Variants in CCNT2 observed in about 807,000 individuals in gnomAD.
CCNT2 encodes the protein cyclin-T2.
CCNT2 carries 18 observed loss-of-function variants against 70.0 expected under a neutral mutation model. The ratio of observed to expected loss-of-function variants is 0.26; its 90% CI spans 0.18 to 0.38. The LOEUF (loss-of-function observed/expected upper bound fraction) is 0.38, where lower values mean the gene tolerates loss of function less well. Ranked by LOEUF, CCNT2 falls within the 10% of genes least tolerant of loss-of-function variation. CCNT2 has a pLI of 1.00. For missense variants in CCNT2, 734 were observed against 890.2 expected (o/e 0.82, Z 2.23); for synonymous variants, 334 against 313.3 (o/e 1.07, Z -0.70).
In CCNT2 at chr2:134,943,984, C is replaced by G. The variant is rs184079700; in HGVS notation, c.493+1310C>G. Reference sequence around the variant, plus strand: ...ATTCTAAATTGAATTCATTTTATACCTAGTGATTTATTATGTTAGTGGCTA... The same window carrying G: ...ATTCTAAATTGAATTCATTTTATACGTAGTGATTTATTATGTTAGTGGCTA... On this transcript the variant is annotated intron_variant, in intron 5 of 8. Transcript: ENST00000264157. The G allele has an allele frequency of 3.0e-4, 289 of 965,848 alleles. No individual in the cohort carries two copies. The African/African-American group carries it at 4.9e-3, about 16-fold the overall frequency. 59.8% of individuals were successfully genotyped at this position (965,848 alleles called of 1,614,324 possible). A position where few individuals can be genotyped will look rare whatever the true frequency, so the allele number is the denominator to read the frequency against.
Position 134,919,009 on chromosome 2 carries a change from A to G in CCNT2, c.155A>G (p.Asn52Ser). ...NLIQEMGQRL[N>S]VSQLTINTAI... The stretch of plus-strand genomic sequence containing the variant: ...ATCCAGGAGATGGGACAGCGTCTCA[A>G]TGTGTATCCTTTTCTGTTCGCCGCC... Residue 52 changes from asparagine (N) to serine (S), a missense_variant, in exon 1 of 9, where the codon AAT (asparagine) becomes AGT (serine). Coordinates refer to ENST00000264157, the MANE Select transcript of CCNT2 (RefSeq NM_058241.3). 2 of 1,607,400 alleles carry G rather than the reference A, an allele frequency of 1.2e-6. No individual in the cohort carries two copies. The highest frequency in any genetic ancestry group is 1.1e-5 in the South Asian group (1 of 90,884).
At chr2:134,953,178 G>A (rs1682657375) in intron 8 of CCNT2, 52 bp from the exon 9 acceptor site, 3 of 1,266,330 alleles carry the variant, frequency 2.4e-6, no homozygotes, top group Admixed American at 2.2e-5. Flanking sequence ...CAAGAAATTT[G>A]CATTAAATTA....
rs568036671 is a variant in CCNT2, at chr2:134,924,751, A to G, written c.240+4860A>G. 3.9e-5 allele frequency among the ~76,000 whole-genome samples: 6 copies of G among 152,210 alleles called. No homozygotes were observed. In the South Asian group the frequency reaches 6.2e-4, roughly 16 times the overall value. ...GGCGTTAGCCACCTCGCCCGGCCCCAGTATTCTTACTCTAATCACTTTCTT... is the reference window on the plus strand; with the variant it reads ...GGCGTTAGCCACCTCGCCCGGCCCCGGTATTCTTACTCTAATCACTTTCTT... On this transcript the variant is annotated intron_variant, in intron 2 of 8. Transcript: ENST00000264157.
rs562056094 is a variant in CCNT2, at chr2:134,956,266, A to C, written c.*1618A>C. Reference sequence around the variant, plus strand: ...TTAATCTCATGCTCTACCTTTATTTAGCAATTACCTAATTTGCCAGTAGCT... The same window carrying C: ...TTAATCTCATGCTCTACCTTTATTTCGCAATTACCTAATTTGCCAGTAGCT... On this transcript the variant is annotated 3_prime_UTR_variant, in exon 9 of 9. Coordinates refer to ENST00000264157, the MANE Select transcript of CCNT2 (RefSeq NM_058241.3). 1 of 152,762 alleles carries C rather than the reference A, an allele frequency of 6.5e-6. No individual in the cohort carries two copies. Among genetic ancestry groups the C allele is most frequent in the South Asian group, 2.1e-4 (1 of 4,830 alleles). The allele number at this position is 152,762 out of a possible 1,614,324, so 9.5% of individuals were successfully genotyped here. A position where few individuals can be genotyped will look rare whatever the true frequency, so the allele number is the denominator to read the frequency against.
chr2:134,937,962 C>A (rs1681286741), intron 3 of CCNT2, among the ~76,000 whole-genome samples: 1 of 152,066 alleles, frequency 6.6e-6, no homozygotes, highest in South Asian at 2.1e-4. Context: ...TAATCAGGAA[C>A]CTTTACCCAT....
rs2105102987 is a variant in CCNT2, at chr2:134,958,239, C to A, written c.*3591C>A. ...GGAAAACCATTCTCTCAAGGTATTACACCATTTCCAATTTTATCCAAATGA... is the reference window on the plus strand; with the variant it reads ...GGAAAACCATTCTCTCAAGGTATTAAACCATTTCCAATTTTATCCAAATGA... On this transcript the variant is annotated 3_prime_UTR_variant, in exon 9 of 9. Coordinates refer to ENST00000264157, the MANE Select transcript of CCNT2 (RefSeq NM_058241.3). The A allele has an allele frequency of 6.6e-6, 1 of 152,338 alleles. No individual in the cohort carries two copies. The highest frequency in any genetic ancestry group is 2.4e-5 in the African/African-American group (1 of 41,582). 9.4% of individuals were successfully genotyped at this position (152,338 alleles called of 1,614,324 possible).
At chr2:134,936,997 T>C in intron 3 of CCNT2, 28 bp downstream of exon 3, 5 of 1,556,300 alleles carry the variant, frequency 3.2e-6, no homozygotes, top group Non-Finnish European at 4.4e-6. Context: ...TTTTTATTTT[T>C]CTTTGTAAAT....
At chr2:134,924,425 C>G (rs1051527999) in intron 2 of CCNT2, among the ~76,000 whole-genome samples, 2 of 152,092 alleles carry the variant, frequency 1.3e-5, no homozygotes, top group African/African-American at 4.8e-5. Flanking sequence ...CAGTGTCGAT[C>G]CCCTCCCTCC....
At position 134,958,488 on chromosome 2, in the gene CCNT2, C is replaced by T. The variant is rs1405892151; in HGVS notation, c.*3840C>T. On this transcript the variant is annotated 3_prime_UTR_variant, in exon 9 of 9. Coordinates refer to ENST00000264157, the MANE Select transcript of CCNT2 (RefSeq NM_058241.3). ...GACAATAGGTGCTAATCTCATGTGCCCTAAGATGGACTTATTTAGATAGGG... is the reference window on the plus strand; with the variant it reads ...GACAATAGGTGCTAATCTCATGTGCTCTAAGATGGACTTATTTAGATAGGG... 2.0e-5 allele frequency: 3 copies of T among 152,134 alleles called. No homozygotes were observed. The highest frequency in any genetic ancestry group is 2.9e-5 in the Non-Finnish European group (2 of 68,018). The allele number at this position is 152,134 out of a possible 1,614,324, so 9.4% of individuals were successfully genotyped here. A position where few individuals can be genotyped will look rare whatever the true frequency, so the allele number is the denominator to read the frequency against.
intron 5 of CCNT2, chr2:134,943,427 G>T (rs191792187): frequency 6.1e-6 from 6 of 984,848 alleles, no homozygotes; most frequent in Non-Finnish European, 7.2e-6. Flanking sequence ...TTTTGTGGGG[G>T]GAGTGTTTTG....
chr2:134,929,529 G>A (rs1156835861), intron 2 of CCNT2, among the ~76,000 whole-genome samples: 2 of 150,878 alleles, frequency 1.3e-5, no homozygotes, highest in Non-Finnish European at 3.0e-5. Flanking sequence ...AATCGCTTGA[G>A]CCCAGGAGGT....
At chr2:134,927,914 G>C (rs1323484231) in intron 2 of CCNT2, among the ~76,000 whole-genome samples, 3 of 152,082 alleles carry the variant, frequency 2.0e-5, no homozygotes, top group African/African-American at 7.2e-5. Context: ...TCTTTATATG[G>C]CTATACATAA....
intron 5 of CCNT2, 27 bp from the exon 6 acceptor site, chr2:134,946,074 G>C: frequency 6.2e-7 from 1 of 1,600,802 alleles, no homozygotes; most frequent in Non-Finnish European, 8.5e-7. Flanking sequence ...TGATAGTATT[G>C]TCTTCGTTTT....
Position 134,958,104 on chromosome 2 carries a change from T to C in CCNT2, c.*3456T>C, listed in dbSNP as rs1366144179. ...GCAACCTTAGAAATAAACCACTGCT[T>C]ATATCTGCATGAATATTATGCATTT... On this transcript the variant is annotated 3_prime_UTR_variant, in exon 9 of 9. Coordinates refer to ENST00000264157, the MANE Select transcript of CCNT2 (RefSeq NM_058241.3). The C allele has an allele frequency of 6.6e-6, 1 of 152,246 alleles. No individual in the cohort carries two copies. The highest frequency in any genetic ancestry group is 1.5e-5 in the Non-Finnish European group (1 of 68,038). The allele number at this position is 152,246 out of a possible 1,614,324, so 9.4% of individuals were successfully genotyped here. A position where few individuals can be genotyped will look rare whatever the true frequency, so the allele number is the denominator to read the frequency against.
intron 2 of CCNT2, among the ~76,000 whole-genome samples, chr2:134,924,683 C>G (rs914469417): frequency 6.6e-6 from 1 of 152,088 alleles, no homozygotes; most frequent in African/African-American, 2.4e-5. Flanking sequence ...CTCCTGACCT[C>G]GTGATTCCCC....
At chr2:134,922,804 C>T (rs191697273) in intron 2 of CCNT2, among the ~76,000 whole-genome samples, 77 of 152,164 alleles carry the variant, frequency 5.1e-4, no homozygotes, top group African/African-American at 1.8e-3. Flanking sequence ...TTTCTTATAC[C>T]AGTTCCAGGT....
At chr2:134,919,950 A>G (rs1271854141) in intron 2 of CCNT2, 59 bp downstream of exon 2, 9 of 1,198,414 alleles carry the variant, frequency 7.5e-6, no homozygotes, top group South Asian at 5.0e-5. Context: ...CGATACGCAG[A>G]AAAAAAGTTG....
intron 2 of CCNT2, among the ~76,000 whole-genome samples, chr2:134,930,709 A>T (rs988675360): frequency 6.6e-6 from 1 of 151,226 alleles, no homozygotes; most frequent in African/African-American, 2.4e-5. Context: ...CCATCCTAAC[A>T]GTGTGAAATG....
chr2:134,927,036 A>AT (rs1680346150), intron 2 of CCNT2, among the ~76,000 whole-genome samples: 1 of 152,236 alleles, frequency 6.6e-6, no homozygotes, highest in Admixed American at 6.5e-5. Context: ...GATGAAGTTG[A>AT]TTTTTTAAAA....
Sources: allele counts gnomAD v4.1 joint callset (sites outside exome capture counted in the v4.1 genomes callset), GRCh38; gene constraint gnomAD v4.1.1; transcripts MANE v1.5; gene names NCBI Gene and HGNC (gene_info 2026-07-23, HGNC 2026-07-21).